The following POGLUT1 variants were observed in gnomAD, a reference collection of about 807,000 sequenced individuals.
POGLUT1 encodes the protein 9630046K23Rik.
POGLUT1 carries 32 observed loss-of-function variants against 61.3 expected under a neutral mutation model. The ratio of observed to expected loss-of-function variants is 0.52; its 90% confidence interval spans 0.39 to 0.70. The LOEUF (loss-of-function observed/expected upper bound fraction) is 0.70. Among genes scored for constraint, POGLUT1 ranks in the 30% least tolerant of loss-of-function variants. The probability of loss-of-function intolerance (pLI) is 0.00; values close to 1 mark genes in which losing one functional copy is unlikely to be tolerated. For synonymous variants in POGLUT1, 158 were observed against 158.2 expected (o/e 1.00, Z 0.01); for missense variants, 411 against 469.8 (o/e 0.87, Z 1.16).
chr3:119,488,974 C>A lies in POGLUT1; in HGVS notation c.784C>A (p.His262Asn), dbSNP rs1577087366. 1 of 1,585,422 alleles carries A rather than the reference C, an allele frequency of 6.3e-7. No individual in the cohort carries two copies. The highest frequency in any genetic ancestry group is 2.2e-5 in the East Asian group (1 of 44,478). The change falls in exon 8 of 11, where the codon CAC (histidine) becomes AAC (asparagine). Residue 262 changes from histidine (H) to asparagine (N), a missense_variant. By Grantham distance (68) the His-to-Asn change is moderately conservative. Coordinates refer to ENST00000295588, the MANE Select transcript of POGLUT1 (RefSeq NM_152305.3). The stretch of plus-strand genomic sequence containing the variant: ...TGCTAAGGATGTCCATCTTGTGGAT[C>A]ACTGCAAATACAAGTAAGATTTGCA... ...PAAKDVHLVD[H>N]CKYKYLFNFR...
intron 4 of POGLUT1, chr3:119,479,761 A>G (rs1412611310): frequency 2.5e-6 from 1 of 405,416 alleles, no homozygotes; most frequent in African/African-American, 2.1e-5. Flanking sequence ...GTTTCCTTAA[A>G]TTGGAAATCT....
Position 119,491,394 on chromosome 3 carries a change from G to A in POGLUT1, c.966-124G>A, listed in dbSNP as rs1019921802. 29 of 457,550 alleles carry A rather than the reference G, an allele frequency of 6.3e-5. No homozygotes were observed. The East Asian group carries it at 9.9e-4, about 16-fold the overall frequency. The allele number at this position is 457,550 out of a possible 1,614,324, so 28.3% of individuals were successfully genotyped here. A position where few individuals can be genotyped will look rare whatever the true frequency, so the allele number is the denominator to read the frequency against. ...TGAGAGAACCCTGATATCTTTGCTT[G>A]AAGGAAATAATCCACCATCCACATA... On this transcript the variant is annotated intron_variant, in intron 9 of 10. Coordinates refer to ENST00000295588, the MANE Select transcript of POGLUT1 (RefSeq NM_152305.3).
Position 119,473,348 on chromosome 3 carries a change from GAAA to G in POGLUT1, c.320+1897_320+1899del, listed in dbSNP as rs1338227281. On this transcript the variant is annotated intron_variant, in intron 3 of 10. Coordinates refer to ENST00000295588, the MANE Select transcript of POGLUT1 (RefSeq NM_152305.3). ...TTGCTGAACAATTGCCAAATGAAAT[GAAA>G]TGCTTTCAAAGTTTCTGAAAGGCAC... Among the ~76,000 whole-genome samples the G allele has an allele frequency of 6.3e-4, 96 of 152,108 alleles. 1 individual carries two copies. Among genetic ancestry groups the G allele is most frequent in the Admixed American group, 6.1e-3 (93 of 15,278 alleles).
chr3:119,471,500 G>T, intron 3 of POGLUT1, 48 bp downstream of exon 3: 1 of 1,558,378 alleles, frequency 6.4e-7, no homozygotes, highest in Non-Finnish European at 8.8e-7. Context: ...TTACATATGG[G>T]CTTGATACCC....
chr3:119,480,653 G>A (rs1016153222), intron 5 of POGLUT1, among the ~76,000 whole-genome samples: 1 of 152,042 alleles, frequency 6.6e-6, no homozygotes, highest in African/African-American at 2.4e-5. Flanking sequence ...CCATAGAAAG[G>A]GGCAGAATAG....
At chr3:119,474,167 C>T (rs1164062991) in intron 3 of POGLUT1, among the ~76,000 whole-genome samples, 1 of 151,996 alleles carries the variant, frequency 6.6e-6, no homozygotes, top group African/African-American at 2.4e-5. Flanking sequence ...ATAAAGTATA[C>T]AATGTAAATG....
chr3:119,488,964 T>A lies in POGLUT1; in HGVS notation c.774T>A (p.His258Gln). 3 of 1,591,624 alleles carry A rather than the reference T, an allele frequency of 1.9e-6. No homozygotes were observed. The highest frequency in any genetic ancestry group is 2.6e-6 in the Non-Finnish European group (3 of 1,161,968). The change falls in exon 8 of 11, where the codon CAT (histidine) becomes CAA (glutamine). Residue 258 changes from histidine to glutamine, a missense_variant. Physicochemically the swap from His to Gln is conservative, Grantham distance 24 (BLOSUM62 0). Coordinates refer to ENST00000295588, the MANE Select transcript of POGLUT1 (RefSeq NM_152305.3). ...TLGKPAAKDV[H>Q]LVDHCKYKYL... ...GAAAGCCAGCTGCTAAGGATGTCCATCTTGTGGATCACTGCAAATACAAGT... is the reference window on the plus strand; with the variant it reads ...GAAAGCCAGCTGCTAAGGATGTCCAACTTGTGGATCACTGCAAATACAAGT...
At chr3:119,469,137 T>C in intron 1 of POGLUT1, 31 bp downstream of exon 1, 1 of 1,529,304 alleles carries the variant, frequency 6.5e-7, no homozygotes, top group Non-Finnish European at 8.9e-7. Context: ...AGCCTGCCCC[T>C]TGGGCTCGGG....
rs140224890 is a variant in POGLUT1, at chr3:119,478,558, C to T, written c.456+1110C>T. 2,368 of 360,958 alleles carry T rather than the reference C, an allele frequency of 6.6e-3. 13 individuals carry two copies. The highest frequency in any genetic ancestry group is 0.01 in the Non-Finnish European group (1,885 of 183,158). 22.4% of individuals were successfully genotyped at this position (360,958 alleles called of 1,614,324 possible). ...TATGACCGTCGGTATACTAACTTTCCGTTCATCTTTACTTCCCTTCTGTTT... is the reference window on the plus strand; with the variant it reads ...TATGACCGTCGGTATACTAACTTTCTGTTCATCTTTACTTCCCTTCTGTTT... On this transcript the variant is annotated intron_variant, in intron 4 of 10. Transcript: ENST00000295588.
At chr3:119,484,782 ATGT>A (rs1334092235) in intron 5 of POGLUT1, among the ~76,000 whole-genome samples, 3 of 152,164 alleles carry the variant, frequency 2.0e-5, no homozygotes, top group Non-Finnish European at 2.9e-5. Context: ...TTTTCTTTCA[ATGT>A]TGTTAACTTG....
intron 3 of POGLUT1, among the ~76,000 whole-genome samples, chr3:119,474,922 A>C (rs74474431): frequency 0.02 from 2,976 of 152,262 alleles, 84 homozygotes; most frequent in African/African-American, 0.067. Context: ...TATAAATTGT[A>C]CTGCAATATT....
chr3:119,469,415 C>T (rs1422149190), intron 1 of POGLUT1, among the ~76,000 whole-genome samples: 1 of 152,164 alleles, frequency 6.6e-6, no homozygotes, highest in African/African-American at 2.4e-5. Flanking sequence ...ACTGAGGGGT[C>T]GGGGATGGGG....
chr3:119,469,278 G>T, intron 1 of POGLUT1, 172 bp downstream of exon 1: 2 of 626,822 alleles, frequency 3.2e-6, no homozygotes, highest in Non-Finnish European at 5.7e-6. Context: ...CGGGGTCTCT[G>T]CTCCTGCTCT....
chr3:119,489,038 A>G, intron 8 of POGLUT1, 51 bp downstream of exon 8: 2 of 1,037,824 alleles, frequency 1.9e-6, no homozygotes, highest in Non-Finnish European at 1.5e-6. Flanking sequence ...TGCTTTTGAA[A>G]TAGCTTCACT....
chr3:119,479,474 T>TGTTTCCCCC (rs1206471539), intron 4 of POGLUT1, among the ~76,000 whole-genome samples: 1 of 152,208 alleles, frequency 6.6e-6, no homozygotes, highest in East Asian at 1.9e-4. Flanking sequence ...TAGATCATAT[T>TGTTTCCCCC]ATTGATATTA....
At chr3:119,490,290 C>CATAG in intron 8 of POGLUT1, 1 of 447,220 alleles carries the variant, frequency 2.2e-6, no homozygotes, top group South Asian at 2.8e-5. Context: ...AGCTCCTGAC[C>CATAG]CTATCTAGTG....
intron 10 of POGLUT1, among the ~76,000 whole-genome samples, chr3:119,492,019 G>A (rs1174831412): frequency 3.3e-5 from 5 of 151,806 alleles, no homozygotes; most frequent in South Asian, 2.1e-4. Flanking sequence ...GCACCATTGC[G>A]CTCCAGCATG....
intron 5 of POGLUT1, among the ~76,000 whole-genome samples, chr3:119,484,352 C>T (rs2081641049): frequency 6.6e-6 from 1 of 152,202 alleles, no homozygotes; most frequent in East Asian, 1.9e-4. Flanking sequence ...TTCAGTTCAG[C>T]CTTCCCTTCC....
Position 119,485,370 on chromosome 3 carries a change from A to G in POGLUT1, c.621A>G (p.Ala207=). The change falls in exon 6 of 11, where the codon GCA becomes GCG. Residue 207 remains alanine (A), a synonymous_variant. Transcript: ENST00000295588. ...QWPWKKKNST[A]YFRGSRTSPE... ...CATGGAAAAAGAAAAACTCTACAGC[A>G]TATTTCCGAGGATCAAGGTGAGTTA... 6.2e-7 allele frequency: 1 copy of G among 1,607,950 alleles called. No homozygotes were observed.
Sources: gnomAD v4.1 joint callset for allele counts (sites outside exome capture counted in the v4.1 genomes callset) on GRCh38, gnomAD v4.1.1 for gene constraint, MANE v1.5 for transcripts, NCBI Gene and HGNC (gene_info 2026-07-23, HGNC 2026-07-21) for gene names.